LONP2: variants seen among roughly 807,000 people sequenced by gnomAD.
LONP2 encodes lon peptidase 2, peroxisomal, also known as lon protease homolog 2, peroxisomal.
LONP2 carries 60 observed loss-of-function variants against 85.6 expected under a neutral mutation model. That is an observed-to-expected ratio of 0.70 (90% CI 0.57 to 0.87). The LOEUF (loss-of-function observed/expected upper bound fraction) is 0.87. Among genes scored for constraint, LONP2 ranks in the 40% least tolerant of loss-of-function variants. The pLI is 0.00. For missense variants in LONP2, 860 were observed against 1,063.5 expected, an observed-to-expected ratio of 0.81 and a Z score of 2.66; for synonymous variants, 395 against 389.7, an observed-to-expected ratio of 1.01 and a Z score of -0.16.
chr16:48,274,270 C>G (rs187144656), intron 7 of LONP2, among the ~76,000 whole-genome samples: 9 of 152,240 alleles, frequency 5.9e-5, no homozygotes, highest in Admixed American at 2.6e-4. Context: ...TTCTACCATA[C>G]AACTGTGGAG....
chr16:48,301,190 TAA>T lies in LONP2; in HGVS notation c.1661+1403_1661+1404del, dbSNP rs1308496815. ...TATTTGAGTTTTTCATCTTTTGTGA[TAA>T]GTCACAGTCATAGACCCTAATGTTC... On this transcript the variant is annotated intron_variant, in intron 10 of 14. Coordinates refer to ENST00000285737, the MANE Select transcript of LONP2 (RefSeq NM_031490.5). Among the ~76,000 whole-genome samples the T allele has an allele frequency of 5.3e-5, 8 of 152,320 alleles. No individual in the cohort carries two copies. The East Asian group carries it at 1.4e-3, about 26-fold the overall frequency.
chr16:48,310,693 G>A (rs1331341717), intron 11 of LONP2, among the ~76,000 whole-genome samples: 1 of 151,870 alleles, frequency 6.6e-6, no homozygotes, highest in Non-Finnish European at 1.5e-5. Context: ...CCCGCTTTGT[G>A]GTCTTCTGGA....
chr16:48,254,838 T>C (rs1365066465), intron 2 of LONP2, among the ~76,000 whole-genome samples: 3 of 152,214 alleles, frequency 2.0e-5, no homozygotes, highest in Admixed American at 6.5e-5. Flanking sequence ...GTGTTTTGGG[T>C]CTGGCAAATA....
intron 11 of LONP2, among the ~76,000 whole-genome samples, chr16:48,307,167 T>G (rs1210014647): frequency 6.6e-6 from 1 of 152,192 alleles, no homozygotes; most frequent in Non-Finnish European, 1.5e-5. Flanking sequence ...AGATTTAGAA[T>G]TGATCGATCT....
intron 5 of LONP2, among the ~76,000 whole-genome samples, chr16:48,262,288 G>A (rs1971894448): frequency 6.6e-6 from 1 of 151,880 alleles, no homozygotes. Flanking sequence ...AAAAAAAAAT[G>A]TATTGTATTA....
rs371402549 is a variant in LONP2 at position 48,270,377 on chromosome 16, G to C, written c.1241+103G>C. The C allele has an allele frequency of 5.7e-6, 7 of 1,223,926 alleles. No homozygotes were observed. In the Middle Eastern group the frequency reaches 1.3e-3, roughly 232 times the overall value. 75.8% of individuals were successfully genotyped at this position (1,223,926 alleles called of 1,614,324 possible). ...AGCATACATCTATTTTCCTTAAAGG[G>C]CTATGTGTGGTACCTTGAATGAAAA... is the stretch of plus-strand genomic sequence containing the variant. On this transcript the variant is annotated intron_variant, in intron 7 of 14. Coordinates refer to ENST00000285737, the MANE Select transcript of LONP2 (RefSeq NM_031490.5).
chr16:48,252,395 C>A (rs763877051), intron 2 of LONP2, 30 bp downstream of exon 2: 1 of 1,441,588 alleles, frequency 6.9e-7, no homozygotes, highest in African/African-American at 1.4e-5. Flanking sequence ...TCTTAAAACC[C>A]ATTTTTCTTT....
intron 7 of LONP2, among the ~76,000 whole-genome samples, chr16:48,272,906 A>G (rs1037019724): frequency 2.6e-5 from 4 of 152,162 alleles, no homozygotes; most frequent in African/African-American, 7.2e-5. Flanking sequence ...AGGGCAGAGC[A>G]TGCACTTAGG....
chr16:48,339,698 G>A (rs1959760524), intron 12 of LONP2, among the ~76,000 whole-genome samples: 1 of 152,160 alleles, frequency 6.6e-6, no homozygotes, highest in Admixed American at 6.5e-5. Flanking sequence ...GTGAGGAAAT[G>A]GCTTTTGTTG....
At position 48,347,666 on chromosome 16, in the gene LONP2, G is replaced by A. The variant is rs1960011470; in HGVS notation, c.2098G>A (p.Ala700Thr). ...CGTGATGAAGGAGTCCGCCCACCTC[G>A]CTATCAGCTGGCTCCGCAGCAACGC... ...GDVMKESAHL[A>T]ISWLRSNAKK... The change falls in exon 13 of 15, where the codon GCT (alanine) becomes ACT (threonine). Residue 700 changes from alanine to threonine, a missense_variant. Physicochemically the swap from Ala to Thr is moderately conservative, Grantham distance 58. Coordinates refer to ENST00000285737, the MANE Select transcript of LONP2 (RefSeq NM_031490.5). The A allele has an allele frequency of 1.9e-6, 3 of 1,614,158 alleles. No homozygotes were observed. Among genetic ancestry groups the A allele is most frequent in the Non-Finnish European group, 2.5e-6 (3 of 1,180,040 alleles).
At chr16:48,304,324 T>A (rs1005228961) in intron 11 of LONP2, among the ~76,000 whole-genome samples, 2 of 152,238 alleles carry the variant, frequency 1.3e-5, no homozygotes, top group African/African-American at 4.8e-5. Flanking sequence ...CTAAATGTAA[T>A]TTAAATTATT....
At chr16:48,315,875 T>G (rs1030493710) in intron 11 of LONP2, among the ~76,000 whole-genome samples, 2 of 151,992 alleles carry the variant, frequency 1.3e-5, no homozygotes, top group African/African-American at 4.8e-5. Flanking sequence ...ATATTTTCTG[T>G]TGCCCTGTAT....
At chr16:48,344,427 A>C (rs183334153) in intron 12 of LONP2, 1 of 152,332 alleles carries the variant, frequency 6.6e-6, no homozygotes, top group African/African-American at 2.4e-5. Flanking sequence ...TTTCAGGTTA[A>C]TATCAGAACA....
At chr16:48,262,977 ATT>A (rs952729387) in intron 6 of LONP2, 105 bp downstream of exon 6, 3 of 728,162 alleles carry the variant, frequency 4.1e-6, no homozygotes, top group Non-Finnish European at 6.7e-6. Context: ...CTGTTAAATT[ATT>A]TTTGTTTTCA....
intron 11 of LONP2, among the ~76,000 whole-genome samples, chr16:48,324,188 C>G (rs1880441225): frequency 6.6e-6 from 1 of 152,184 alleles, no homozygotes; most frequent in African/African-American, 2.4e-5. Flanking sequence ...ACACATATTT[C>G]TGCAATTTTG....
At chr16:48,346,224 C>A (rs543378285) in intron 12 of LONP2, among the ~76,000 whole-genome samples, 4 of 152,258 alleles carry the variant, frequency 2.6e-5, no homozygotes, top group African/African-American at 9.6e-5. Context: ...GTGAGACGGT[C>A]AACTCTCAGT....
intron 11 of LONP2, among the ~76,000 whole-genome samples, chr16:48,329,929 C>T (rs186621911): frequency 3.2e-4 from 48 of 152,272 alleles, no homozygotes; most frequent in Admixed American, 1.0e-3. Context: ...GTGCACAAAC[C>T]CTTGCCTGTA....
chr16:48,357,986 T>G (rs997300193), downstream of LONP2, among the ~76,000 whole-genome samples: 1 of 152,178 alleles, frequency 6.6e-6, no homozygotes, highest in Non-Finnish European at 1.5e-5. Flanking sequence ...ACCTACCCCA[T>G]GTACAGCCTC....
intron 4 of LONP2, 40 bp from the exon 5 acceptor site, chr16:48,261,384 A>T (rs1323613529): frequency 6.7e-7 from 1 of 1,481,824 alleles, no homozygotes; most frequent in Admixed American, 2.1e-5. Flanking sequence ...TTTCCAATTT[A>T]TTTTGACATA....
Sources: allele counts gnomAD v4.1 joint callset (sites outside exome capture counted in the v4.1 genomes callset), GRCh38; gene constraint gnomAD v4.1.1; transcripts MANE v1.5; gene names NCBI Gene and HGNC (gene_info 2026-07-23, HGNC 2026-07-21).